The following PPP1R12B variants were observed in gnomAD, a reference collection of about 807,000 sequenced individuals.
PPP1R12B encodes the protein protein phosphatase 1 regulatory subunit 12B.
A neutral mutation model predicts 126.1 loss-of-function variants in PPP1R12B; 76 were observed. The observed-to-expected ratio is 0.60, with a 90% CI of 0.50 to 0.73. The LOEUF (loss-of-function observed/expected upper bound fraction) is 0.73. Among genes scored for constraint, PPP1R12B ranks in the 30% least tolerant of loss-of-function variants. PPP1R12B has a pLI of 0.00. For synonymous variants in PPP1R12B, 356 were observed against 434.7 expected (o/e 0.82, Z 2.25); for missense variants, 1,052 against 1,205.1 (o/e 0.87, Z 1.88).
chr1:202,569,296 A>G, intron 23 of PPP1R12B, 99 bp downstream of exon 23: 11 of 1,183,830 alleles, frequency 9.3e-6, no homozygotes, highest in Non-Finnish European at 1.2e-5. Flanking sequence ...ATTTCACTAC[A>G]AACTCAATAT....
intron 18 of PPP1R12B, among the ~76,000 whole-genome samples, chr1:202,522,653 G>A (rs1472798865): frequency 3.3e-5 from 5 of 152,096 alleles, no homozygotes; most frequent in Non-Finnish European, 7.4e-5. Flanking sequence ...GAGATAGTCA[G>A]ATTATCCTTC....
At chr1:202,526,876 CA>C (rs916222563) in intron 18 of PPP1R12B, among the ~76,000 whole-genome samples, 3 of 151,990 alleles carry the variant, frequency 2.0e-5, no homozygotes, top group Admixed American at 2.0e-4. Flanking sequence ...ATGAGAATTA[CA>C]AAATAGTTAG....
At chr1:202,532,623 G>A (rs1281886160) in intron 18 of PPP1R12B, among the ~76,000 whole-genome samples, 1 of 152,022 alleles carries the variant, frequency 6.6e-6, no homozygotes, top group African/African-American at 2.4e-5. Context: ...CCAAGTGACT[G>A]CCTGTTTCCG....
chr1:202,428,863 A>G lies in PPP1R12B; in HGVS notation c.855A>G (p.Thr285=). Residue 285 remains threonine (T), a synonymous_variant, in exon 6 of 24, where the codon ACA becomes ACG. Transcript: ENST00000608999. ...DMDIRNKLGQ[T]PFDVADEGLV... is the part of the protein sequence containing the mutation. ...CTCCTTTTCTCTGCCAGGGCCAGAC[A>G]CCATTTGATGTGGCTGATGAGGGTC... The G allele has an allele frequency of 6.2e-7, 1 of 1,606,288 alleles. No individual in the cohort carries two copies. Among genetic ancestry groups the G allele is most frequent in the Non-Finnish European group, 8.5e-7 (1 of 1,176,884 alleles).
At chr1:202,509,498 A>C (rs1681191546) in intron 18 of PPP1R12B, among the ~76,000 whole-genome samples, 2 of 152,190 alleles carry the variant, frequency 1.3e-5, no homozygotes, top group Non-Finnish European at 2.9e-5. Context: ...CTTCCCAAGG[A>C]CCAGTCTTTG....
At chr1:202,414,592 T>G (rs542821733) in intron 1 of PPP1R12B, among the ~76,000 whole-genome samples, 29 of 152,290 alleles carry the variant, frequency 1.9e-4, no homozygotes, top group African/African-American at 6.5e-4. Flanking sequence ...TATTTTCACT[T>G]GGATGGTCAC....
At chr1:202,381,155 A>T (rs1191969940) in intron 1 of PPP1R12B, among the ~76,000 whole-genome samples, 1 of 152,122 alleles carries the variant, frequency 6.6e-6, no homozygotes, top group East Asian at 1.9e-4. Context: ...TACTTTTCAG[A>T]TTATTGAAAT....
intron 13 of PPP1R12B, among the ~76,000 whole-genome samples, chr1:202,469,003 T>A (rs1200163982): frequency 3.9e-5 from 6 of 152,190 alleles, no homozygotes; most frequent in Non-Finnish European, 8.8e-5. Context: ...CATGAACCAG[T>A]ACACTATTGA....
intron 13 of PPP1R12B, among the ~76,000 whole-genome samples, chr1:202,454,901 C>A (rs922176172): frequency 1.1e-4 from 17 of 151,900 alleles, no homozygotes; most frequent in African/African-American, 4.1e-4. Context: ...TATCCTCGAC[C>A]ACAGAGCACA....
chr1:202,439,199 G>A (rs966467391), intron 10 of PPP1R12B: 55 of 1,477,088 alleles, frequency 3.7e-5, no homozygotes, highest in Non-Finnish European at 3.8e-5. Flanking sequence ...CCACTACTGC[G>A]CAGCCCTGTG....
chr1:202,371,181 AT>A (rs1214666307), intron 1 of PPP1R12B, among the ~76,000 whole-genome samples: 1,444 of 110,670 alleles, frequency 0.013, 5 homozygotes, highest in African/African-American at 0.034. Context: ...ACACCCAGCT[AT>A]TTTTTTTTTT....
intron 5 of PPP1R12B, 124 bp downstream of exon 5, chr1:202,427,308 A>T: frequency 7.3e-7 from 1 of 1,366,404 alleles, no homozygotes; most frequent in Admixed American, 2.5e-5. Context: ...TGGTAGCTAT[A>T]ATGTTACCCT....
intron 23 of PPP1R12B, chr1:202,574,921 T>C (rs1688950147): frequency 7.6e-7 from 1 of 1,312,654 alleles, no homozygotes; most frequent in African/African-American, 1.5e-5. Flanking sequence ...GTGATTTCTT[T>C]GTCCTACTTT....
intron 13 of PPP1R12B, among the ~76,000 whole-genome samples, chr1:202,450,066 A>G (rs1212660136): frequency 2.0e-5 from 3 of 152,170 alleles, no homozygotes; most frequent in African/African-American, 4.8e-5. Flanking sequence ...ACCATTTTGT[A>G]ATGGAGAACC....
At chr1:202,356,393 A>G (rs1378709205) in intron 1 of PPP1R12B, among the ~76,000 whole-genome samples, 2 of 152,152 alleles carry the variant, frequency 1.3e-5, no homozygotes, top group Non-Finnish European at 2.9e-5. Flanking sequence ...GCTGGTAGGC[A>G]GAGAATGCAG....
intron 13 of PPP1R12B, among the ~76,000 whole-genome samples, chr1:202,479,491 G>A (rs1677078363): frequency 6.6e-6 from 1 of 152,166 alleles, no homozygotes; most frequent in Non-Finnish European, 1.5e-5. Context: ...TAAAGCAGTG[G>A]CTATGAGCCT....
chr1:202,531,379 G>T (rs1474901631), intron 18 of PPP1R12B, among the ~76,000 whole-genome samples: 1 of 152,072 alleles, frequency 6.6e-6, no homozygotes, highest in Non-Finnish European at 1.5e-5. Context: ...AGTAGGGCTT[G>T]ATATTTTTTA....
At chr1:202,382,587 T>A (rs1379888862) in intron 1 of PPP1R12B, among the ~76,000 whole-genome samples, 1 of 151,364 alleles carries the variant, frequency 6.6e-6, no homozygotes, top group Non-Finnish European at 1.5e-5. Context: ...TTTAAAAAAA[T>A]TGACTGTGGC....
chr1:202,547,034 T>C (rs987235771), intron 18 of PPP1R12B, among the ~76,000 whole-genome samples: 2 of 121,062 alleles, frequency 1.7e-5, no homozygotes, highest in Non-Finnish European at 1.9e-5. Context: ...TGAGTTTCAG[T>C]TCTCAAAGGA....
Sources: allele counts gnomAD v4.1 joint callset (sites outside exome capture counted in the v4.1 genomes callset), GRCh38; gene constraint gnomAD v4.1.1; transcripts MANE v1.5; gene names NCBI Gene and HGNC (gene_info 2026-07-23, HGNC 2026-07-21).